LCP2: variants seen among roughly 807,000 people sequenced by gnomAD.
LCP2 encodes the protein 76 kDa tyrosine phosphoprotein.
LCP2 carries 29 observed loss-of-function variants against 74.5 expected under a neutral mutation model. The observed-to-expected ratio is 0.39, with a 90% CI of 0.29 to 0.53. The LOEUF is 0.53. Ranked by LOEUF, LCP2 falls within the 20% of genes least tolerant of loss-of-function variation. The pLI, the probability that LCP2 is intolerant of heterozygous loss-of-function variation, is 0.72. For synonymous variants in LCP2, 228 were observed against 229.5 expected (o/e 0.99, Z 0.06); for missense variants, 604 against 634.6 (o/e 0.95, Z 0.52).
chr5:170,286,833 C>T (rs1762190524), intron 3 of LCP2, among the ~76,000 whole-genome samples: 2 of 152,180 alleles, frequency 1.3e-5, no homozygotes, highest in South Asian at 4.1e-4. Context: ...GGCCTACTTC[C>T]CTTTTATTAT....
intron 15 of LCP2, 86 bp downstream of exon 15, chr5:170,258,780 C>T (rs2113160675): frequency 2.3e-6 from 2 of 887,648 alleles, no homozygotes; most frequent in Non-Finnish European, 3.6e-6. Context: ...CTATGGGGTT[C>T]CTGTACTAAA....
intron 7 of LCP2, among the ~76,000 whole-genome samples, chr5:170,269,994 G>A (rs1378660762): frequency 3.9e-5 from 6 of 152,178 alleles, no homozygotes; most frequent in Non-Finnish European, 8.8e-5. Context: ...AATGGTATTC[G>A]TTTTTTGTGG....
At chr5:170,271,610 C>A (rs1397846973) in intron 6 of LCP2, among the ~76,000 whole-genome samples, 2 of 151,976 alleles carry the variant, frequency 1.3e-5, no homozygotes, top group African/African-American at 4.8e-5. Flanking sequence ...CTTCTTGGAT[C>A]TCAGGGAAAG....
At chr5:170,257,091 G>A (rs1761567162) in intron 16 of LCP2, among the ~76,000 whole-genome samples, 1 of 152,084 alleles carries the variant, frequency 6.6e-6, no homozygotes. Flanking sequence ...GGGCCCAGAG[G>A]GCCCTGAAAT....
intron 13 of LCP2, 43 bp downstream of exon 13, chr5:170,262,592 C>A: frequency 6.9e-7 from 1 of 1,456,864 alleles, no homozygotes; most frequent in South Asian, 1.2e-5. Flanking sequence ...GCCTGTCTGC[C>A]GGCCACTGTG....
chr5:170,257,298 G>C (rs192708720), intron 16 of LCP2, among the ~76,000 whole-genome samples: 1 of 152,310 alleles, frequency 6.6e-6, no homozygotes, highest in Non-Finnish European at 1.5e-5. Flanking sequence ...AGAGGGAGAA[G>C]AGCAGCAGAA....
chr5:170,258,676 G>A (rs1204169101), intron 15 of LCP2, among the ~76,000 whole-genome samples, 190 bp downstream of exon 15: 2 of 152,106 alleles, frequency 1.3e-5, no homozygotes, highest in Non-Finnish European at 2.9e-5. Flanking sequence ...AGTCTTCTTC[G>A]GTAATCTAAC....
At chr5:170,250,137 C>T (rs776569568) in intron 20 of LCP2, among the ~76,000 whole-genome samples, 23 of 152,164 alleles carry the variant, frequency 1.5e-4, no homozygotes, top group Admixed American at 3.9e-4. Context: ...ATGTTTGGGG[C>T]GTTACCTTCA....
chr5:170,281,575 T>G (rs972031354), intron 3 of LCP2, among the ~76,000 whole-genome samples: 1 of 152,332 alleles, frequency 6.6e-6, no homozygotes, highest in Non-Finnish European at 1.5e-5. Context: ...AGTGGCCACA[T>G]TCTTTAACAG....
rs543754414 is a variant in LCP2, at chr5:170,279,974, G to T, written c.189-4114C>A. On this transcript the variant is annotated intron_variant, in intron 3 of 20. Coordinates refer to ENST00000046794, the MANE Select transcript of LCP2 (RefSeq NM_005565.5). ...AGGTGGAAAAGGAGGGAGAGAGAGA[G>T]GGGGGAAGGGAAGGGAAGGGGAAGG... is the stretch of plus-strand genomic sequence containing the variant. 3.3e-5 allele frequency among the ~76,000 whole-genome samples: 5 copies of T among 151,180 alleles called. No individual in the cohort carries two copies. The South Asian group carries it at 1.0e-3, about 31-fold the overall frequency.
intron 3 of LCP2, among the ~76,000 whole-genome samples, chr5:170,276,343 G>A (rs1437741716): frequency 6.6e-6 from 1 of 152,180 alleles, no homozygotes; most frequent in South Asian, 2.1e-4. Flanking sequence ...GCTCCTTGGA[G>A]ATTTCTTATC....
Position 170,250,700 on chromosome 5 carries a change from T to A in LCP2, c.1479+30A>T, listed in dbSNP as rs770879338. The A allele has an allele frequency of 1.4e-5, 23 of 1,595,282 alleles. No homozygotes were observed. In the East Asian group the frequency reaches 4.2e-4, roughly 29 times the overall value. On this transcript the variant is annotated intron_variant, in intron 20 of 20. Coordinates refer to ENST00000046794, the MANE Select transcript of LCP2 (RefSeq NM_005565.5). ...TGCAGAGTGGCATAAATAAAGACTT[T>A]GGGAAAATGTCGAAATTTGAAATCC...
chr5:170,263,072 T>C (rs1461036723), intron 10 of LCP2, 80 bp from the exon 11 acceptor site: 1 of 1,517,012 alleles, frequency 6.6e-7, no homozygotes, highest in Non-Finnish European at 9.1e-7. Flanking sequence ...TTGATGAAAC[T>C]ATGAGTCTGA....
rs1488905787 is a variant in LCP2, at chr5:170,248,340, T to G, written c.*357A>C. 5.0e-6 allele frequency: 1 copy of G among 200,176 alleles called. No individual in the cohort carries two copies. The allele number at this position is 200,176 out of a possible 1,614,324, so 12.4% of individuals were successfully genotyped here. On this transcript the variant is annotated 3_prime_UTR_variant, in exon 21 of 21. Transcript: ENST00000046794. ...ATCAGTTTTATGTGACACCAATAAC[T>G]ATTACTGTTTCAGTGTTTTAAAACT...
intron 19 of LCP2, chr5:170,251,956 G>C (rs543072576): frequency 4.0e-6 from 1 of 247,406 alleles, no homozygotes; most frequent in Non-Finnish European, 8.5e-6. Flanking sequence ...CACTGGCTAC[G>C]GGAAATATGT....
intron 4 of LCP2, 121 bp downstream of exon 4, chr5:170,275,674 C>G (rs777525340): frequency 6.9e-5 from 59 of 853,646 alleles, no homozygotes; most frequent in Non-Finnish European, 1.1e-4. Context: ...TCTTCCAGAC[C>G]CCTGGGATTC....
rs1761479195 is a variant in LCP2, at chr5:170,252,998, CAAAT to C, written c.1245+117_1245+120del. On this transcript the variant is annotated intron_variant, in intron 18 of 20. Transcript: ENST00000046794. Reference sequence around the variant, plus strand: ...GGATCTTCTCCTTTAACTTTTTTTTCAAATAAATAAAATAAAACAAAGGGAAGAT... The same window carrying C: ...GGATCTTCTCCTTTAACTTTTTTTTCAAATAAAATAAAACAAAGGGAAGAT... 3 of 651,706 alleles carry C rather than the reference CAAAT, an allele frequency of 4.6e-6. No individual in the cohort carries two copies. The Admixed American group carries it at 9.6e-5, about 21-fold the overall frequency. 40.4% of individuals were successfully genotyped at this position (651,706 alleles called of 1,614,324 possible). A position where few individuals can be genotyped will look rare whatever the true frequency, so the allele number is the denominator to read the frequency against.
At chr5:170,290,523 T>G (rs1387381974) in intron 2 of LCP2, among the ~76,000 whole-genome samples, 3 of 152,188 alleles carry the variant, frequency 2.0e-5, no homozygotes, top group Non-Finnish European at 2.9e-5. Context: ...AAAGGGAGCA[T>G]GCATTTACCA....
At chr5:170,254,511 CCT>C (rs1312981516) in intron 17 of LCP2, among the ~76,000 whole-genome samples, 1 of 152,202 alleles carries the variant, frequency 6.6e-6, no homozygotes, top group Non-Finnish European at 1.5e-5. Flanking sequence ...ATGCTCCTTC[CCT>C]GTTTCTAAAC....
Sources: gnomAD v4.1 joint callset for allele counts (sites outside exome capture counted in the v4.1 genomes callset) on GRCh38, gnomAD v4.1.1 for gene constraint, MANE v1.5 for transcripts, NCBI Gene and HGNC (gene_info 2026-07-23, HGNC 2026-07-21) for gene names.